NRXN3: variants seen among roughly 807,000 people sequenced by gnomAD.
NRXN3 encodes neurexin III.
NRXN3 carries 32 observed loss-of-function variants against 137.6 expected under a neutral mutation model. That is an observed-to-expected ratio of 0.23 (90% CI 0.18 to 0.31). NRXN3 has a LOEUF of 0.31. Among genes scored for constraint, NRXN3 ranks in the 10% least tolerant of loss-of-function variants. The probability of loss-of-function intolerance (pLI) is 1.00; values close to 1 mark genes in which losing one functional copy is unlikely to be tolerated. For synonymous variants in NRXN3, 798 were observed against 784.5 expected (o/e 1.02, Z -0.29); for missense variants, 1,574 against 2,062.5 (o/e 0.76, Z 4.59).
chr14:79,094,248 A>G (rs2049813527), intron 15 of NRXN3, among the ~76,000 whole-genome samples: 1 of 152,158 alleles, frequency 6.6e-6, no homozygotes, highest in South Asian at 2.1e-4. Flanking sequence ...TGAATTGCCT[A>G]CCGTGGCTTA....
chr14:79,351,644 CT>C (rs1031205689), intron 15 of NRXN3, among the ~76,000 whole-genome samples: 18 of 152,154 alleles, frequency 1.2e-4, no homozygotes, highest in African/African-American at 4.3e-4. Context: ...AGCAAAATGT[CT>C]GGAACAGAGC....
At chr14:79,463,358 ACACT>A (rs1186729444) in intron 15 of NRXN3, among the ~76,000 whole-genome samples, 1 of 152,094 alleles carries the variant, frequency 6.6e-6, no homozygotes, top group Non-Finnish European at 1.5e-5. Context: ...TCCCAAGCAC[ACACT>A]CACAGAACAC....
chr14:79,480,093 A>T (rs1468281280), intron 16 of NRXN3, among the ~76,000 whole-genome samples: 3 of 152,148 alleles, frequency 2.0e-5, no homozygotes, highest in African/African-American at 7.2e-5. Flanking sequence ...TTAAATCCAG[A>T]TGTGGGTGTC....
intron 16 of NRXN3, among the ~76,000 whole-genome samples, chr14:79,573,320 G>A (rs1176721361): frequency 2.6e-5 from 4 of 152,164 alleles, no homozygotes; most frequent in Admixed American, 2.0e-4. Context: ...TGTAGGGCAG[G>A]TGTAACAACA....
intron 15 of NRXN3, among the ~76,000 whole-genome samples, chr14:79,064,752 T>TATAA (rs1491239513): frequency 7.1e-6 from 1 of 141,272 alleles, no homozygotes; most frequent in African/African-American, 2.5e-5. Flanking sequence ...TATATATATA[T>TATAA]AATTACCCAT....
At chr14:79,350,477 G>A (rs904077605) in intron 15 of NRXN3, among the ~76,000 whole-genome samples, 1 of 152,128 alleles carries the variant, frequency 6.6e-6, no homozygotes, top group Non-Finnish European at 1.5e-5. Context: ...CTTACACTTG[G>A]ACCAAAGGTG....
intron 15 of NRXN3, among the ~76,000 whole-genome samples, chr14:79,256,212 A>C (rs946401516): frequency 6.6e-6 from 1 of 151,234 alleles, no homozygotes; most frequent in Non-Finnish European, 1.5e-5. Flanking sequence ...CACACCCCCC[A>C]GAAGAGCATT....
At chr14:79,030,635 C>CTTTTTTTTTTTTTTTTTTTTTTTTCTT in intron 15 of NRXN3, among the ~76,000 whole-genome samples, 1 of 54,236 alleles carries the variant, frequency 1.8e-5, no homozygotes, top group Non-Finnish European at 3.2e-5. Context: ...TTCTCTGTGT[C>CTTTTTTTTTTTTTTTTTTTTTTTTCTT]TTTTTTTTTT....
chr14:78,488,120 C>T (rs960934661), intron 4 of NRXN3, among the ~76,000 whole-genome samples: 3 of 152,116 alleles, frequency 2.0e-5, no homozygotes, highest in African/African-American at 7.2e-5. Context: ...GTGACTTTTC[C>T]CCCATGTGTA....
At position 78,760,916 on chromosome 14, in the gene NRXN3, T is replaced by C. The variant is rs531609169; in HGVS notation, c.2045-42704T>C. ...AAAATACCTGGTTCTAACAAGATCT[T>C]GATTATTGACATCTGTTTCTTTGGC... On this transcript the variant is annotated intron_variant, in intron 8 of 20. Coordinates refer to ENST00000335750, the MANE Select transcript of NRXN3 (RefSeq NM_001330195.2). 7.9e-5 allele frequency among the ~76,000 whole-genome samples: 12 copies of C among 152,308 alleles called. No homozygotes were observed. The East Asian group carries it at 2.3e-3, about 29-fold the overall frequency.
intron 15 of NRXN3, among the ~76,000 whole-genome samples, chr14:79,454,999 G>A (rs1353381846): frequency 6.6e-6 from 1 of 152,096 alleles, no homozygotes; most frequent in East Asian, 1.9e-4. Context: ...TTGTTTTTGT[G>A]TAGCATATTT....
intron 6 of NRXN3, among the ~76,000 whole-genome samples, chr14:78,653,427 G>C (rs540311734): frequency 6.6e-6 from 1 of 152,296 alleles, no homozygotes; most frequent in South Asian, 2.1e-4. Flanking sequence ...TGAGGCATTG[G>C]TTGCTGTGGA....
intron 18 of NRXN3, among the ~76,000 whole-genome samples, 182 bp downstream of exon 18, chr14:79,692,444 G>T (rs916171589): frequency 6.6e-6 from 1 of 151,956 alleles, no homozygotes; most frequent in Non-Finnish European, 1.5e-5. Context: ...ATAATACATT[G>T]CCATTAAAAT....
Position 79,274,117 on chromosome 14 carries a change from AAAG to A in NRXN3, c.3263-193102_3263-193100del, listed in dbSNP as rs1409836037. On this transcript the variant is annotated intron_variant, in intron 15 of 20. Coordinates refer to ENST00000335750, the MANE Select transcript of NRXN3 (RefSeq NM_001330195.2). ...ACTCCGTCTCAAAAAAAAAAAAAAA[AAAG>A]AGGCTAAGATCTTGGCCACGTTTTC... 2.0e-5 allele frequency among the ~76,000 whole-genome samples: 3 copies of A among 151,696 alleles called. No homozygotes were observed. In the East Asian group the frequency reaches 5.9e-4, roughly 30 times the overall value.
intron 15 of NRXN3, among the ~76,000 whole-genome samples, chr14:79,018,542 G>A (rs889624822): frequency 4.6e-5 from 7 of 151,998 alleles, no homozygotes; most frequent in Admixed American, 1.3e-4. Context: ...ATTCTCATCT[G>A]TTTTATTGCT....
At chr14:78,683,108 C>CA (rs1001137149) in intron 6 of NRXN3, among the ~76,000 whole-genome samples, 2 of 151,794 alleles carry the variant, frequency 1.3e-5, no homozygotes, top group African/African-American at 4.8e-5. Context: ...GACTTAATAC[C>CA]AAAAAAAGTG....
chr14:79,452,340 G>A (rs1038697118), intron 15 of NRXN3, among the ~76,000 whole-genome samples: 1 of 152,102 alleles, frequency 6.6e-6, no homozygotes, highest in Admixed American at 6.5e-5. Flanking sequence ...AAAGAGACTG[G>A]TGTGTCTGAA....
At chr14:78,703,886 C>T (rs1271853077) in intron 6 of NRXN3, 1 of 152,222 alleles carries the variant, frequency 6.6e-6, no homozygotes, top group Non-Finnish European at 1.5e-5. Flanking sequence ...AAAAGAAAGA[C>T]CAGGTGGTAA....
At chr14:79,255,910 C>A (rs948233953) in intron 15 of NRXN3, among the ~76,000 whole-genome samples, 2 of 152,108 alleles carry the variant, frequency 1.3e-5, no homozygotes, top group African/African-American at 4.8e-5. Flanking sequence ...CAGTTTTGAT[C>A]ATTGGGAATA....
Sources: allele counts gnomAD v4.1 joint callset (sites outside exome capture counted in the v4.1 genomes callset), GRCh38; gene constraint gnomAD v4.1.1; transcripts MANE v1.5; gene names NCBI Gene and HGNC (gene_info 2026-07-23, HGNC 2026-07-21).